The following RAD51B variants were observed in gnomAD, a reference collection of about 807,000 sequenced individuals.
The protein encoded by RAD51B is DNA repair protein RAD51 homolog 2.
A neutral mutation model predicts 42.2 loss-of-function variants in RAD51B; 38 were observed. The observed-to-expected ratio is 0.90, with a 90% confidence interval of 0.70 to 1.18. The LOEUF is 1.18. Ranked by LOEUF, RAD51B falls within the 50% of genes most tolerant of loss-of-function variation. The probability of loss-of-function intolerance (pLI) is 0.00; values close to 1 mark genes in which losing one functional copy is unlikely to be tolerated. For missense variants in RAD51B, 373 were observed against 400.7 expected (o/e 0.93, Z 0.59); for synonymous variants, 154 against 145.2 (o/e 1.06, Z -0.43).
chr14:67,985,666 T>C (rs890759742), intron 7 of RAD51B, among the ~76,000 whole-genome samples: 2 of 151,754 alleles, frequency 1.3e-5, no homozygotes, highest in African/African-American at 4.8e-5. Flanking sequence ...CCTAGCACTT[T>C]GGGAAACCAA....
At chr14:67,874,834 T>C (rs532957419) in intron 5 of RAD51B, among the ~76,000 whole-genome samples, 1 of 152,202 alleles carries the variant, frequency 6.6e-6, no homozygotes, top group Non-Finnish European at 1.5e-5. Flanking sequence ...CCAGTTTACA[T>C]GAACTGAATT....
intron 7 of RAD51B, among the ~76,000 whole-genome samples, chr14:68,233,501 T>G (rs1202711586): frequency 6.6e-6 from 1 of 152,252 alleles, no homozygotes; most frequent in Non-Finnish European, 1.5e-5. Context: ...GTCTTCTGCT[T>G]TATTCATTCA....
At chr14:67,871,426 GA>G (rs2042528012) in intron 5 of RAD51B, among the ~76,000 whole-genome samples, 1 of 152,206 alleles carries the variant, frequency 6.6e-6, no homozygotes, top group Non-Finnish European at 1.5e-5. Flanking sequence ...AACAGGGTCT[GA>G]AATTGTGGCA....
At chr14:68,662,512 G>A (rs1160248461) in intron 11 of RAD51B, among the ~76,000 whole-genome samples, 1 of 152,192 alleles carries the variant, frequency 6.6e-6, no homozygotes. Context: ...CCACCCAGCA[G>A]GCTGACATCC....
At chr14:68,077,871 G>T (rs1159759002) in intron 7 of RAD51B, among the ~76,000 whole-genome samples, 1 of 152,228 alleles carries the variant, frequency 6.6e-6, no homozygotes, top group Admixed American at 6.5e-5. Context: ...CAGGCGAATC[G>T]CTTGAACCCG....
rs186970923 is a variant in RAD51B at position 68,610,073 on chromosome 14, C to T, written c.1037-933C>T. ...GCTCCCCAGATCCCCACATTTCTAC[C>T]GGCCTACTCTGCTGGCCGTCTCTGC... is the stretch of plus-strand genomic sequence containing the variant. On this transcript the variant is annotated intron_variant, in intron 10 of 10. Coordinates refer to the RAD51B transcript ENST00000487861. Among the ~76,000 whole-genome samples the T allele has an allele frequency of 2.5e-3, 376 of 152,240 alleles. 1 individual carries two copies. The highest frequency in any genetic ancestry group is 7.8e-3 in the African/African-American group (325 of 41,520).
chr14:68,500,863 T>C (rs903661559), intron 10 of RAD51B, among the ~76,000 whole-genome samples: 3 of 152,170 alleles, frequency 2.0e-5, no homozygotes, highest in Admixed American at 2.0e-4. Context: ...CAACTCCCTC[T>C]CCTGCTGGAA....
chr14:68,664,826 G>A (rs1487797217), intron 11 of RAD51B, among the ~76,000 whole-genome samples: 1 of 152,158 alleles, frequency 6.6e-6, no homozygotes, highest in Non-Finnish European at 1.5e-5. Flanking sequence ...TGGGTCAGAA[G>A]CTTGGCAGTT....
intron 9 of RAD51B, among the ~76,000 whole-genome samples, chr14:68,446,880 T>C (rs939913876): frequency 3.9e-5 from 6 of 152,202 alleles, no homozygotes; most frequent in Non-Finnish European, 5.9e-5. Flanking sequence ...TTGTTTGGTC[T>C]CAATCACATC....
At chr14:68,519,629 A>G (rs1455654919) in intron 10 of RAD51B, among the ~76,000 whole-genome samples, 1 of 152,192 alleles carries the variant, frequency 6.6e-6, no homozygotes, top group Non-Finnish European at 1.5e-5. Flanking sequence ...CCATTTTCCA[A>G]CTTGAGACTT....
intron 7 of RAD51B, among the ~76,000 whole-genome samples, chr14:67,922,668 A>C (rs1051980221): frequency 6.8e-6 from 1 of 147,692 alleles, no homozygotes; most frequent in Non-Finnish European, 1.5e-5. Flanking sequence ...AGCAGTGTAC[A>C]CTGTACCCAA....
chr14:68,310,267 C>T (rs910463744), intron 8 of RAD51B, among the ~76,000 whole-genome samples: 1 of 152,098 alleles, frequency 6.6e-6, no homozygotes, highest in African/African-American at 2.4e-5. Context: ...AGATCAGATA[C>T]CCTGCTCACT....
At chr14:68,420,851 A>G (rs4902580) in intron 9 of RAD51B, among the ~76,000 whole-genome samples, 118,115 of 152,194 alleles carry the variant, frequency 0.78, 46,358 homozygotes, top group East Asian at 0.97. Flanking sequence ...TTTTCAAGAC[A>G]GAGTCACTCT....
intron 11 of RAD51B, among the ~76,000 whole-genome samples, chr14:68,651,689 T>C (rs931825301): frequency 2.0e-5 from 3 of 152,194 alleles, no homozygotes; most frequent in African/African-American, 7.2e-5. Flanking sequence ...GGTTTGACTG[T>C]ATTTGGTTGT....
intron 10 of RAD51B, among the ~76,000 whole-genome samples, chr14:68,638,426 G>C (rs1378054350): frequency 6.6e-6 from 1 of 152,070 alleles, no homozygotes; most frequent in African/African-American, 2.4e-5. Flanking sequence ...CTTTTTAAGA[G>C]AGGGAAAAAA....
At chr14:67,850,473 T>G (rs1437874692) in intron 4 of RAD51B, among the ~76,000 whole-genome samples, 2 of 152,054 alleles carry the variant, frequency 1.3e-5, no homozygotes, top group East Asian at 1.9e-4. Flanking sequence ...GGCAGCAGGT[T>G]GTATATTGGG....
chr14:68,263,439 T>A (rs2080926645), intron 7 of RAD51B, among the ~76,000 whole-genome samples: 1 of 152,164 alleles, frequency 6.6e-6, no homozygotes, highest in Non-Finnish European at 1.5e-5. Context: ...ACAGTCCCAA[T>A]GATGTTAGCA....
At chr14:68,169,195 T>C (rs532461523) in intron 7 of RAD51B, among the ~76,000 whole-genome samples, 3 of 152,310 alleles carry the variant, frequency 2.0e-5, no homozygotes, top group African/African-American at 7.2e-5. Flanking sequence ...TTCTAACAGA[T>C]GGATGATTCA....
rs1326088693 is a variant in RAD51B, at chr14:67,893,502, ACAC to A, written c.756+6299_756+6301del. On this transcript the variant is annotated intron_variant, in intron 7 of 10. Coordinates refer to ENST00000471583, the MANE Select transcript of RAD51B (RefSeq NM_133510.4). ...CACACACACACACACACACACACACACACACACAAAAAAAAACAATTAGCTGGG... is the reference window on the plus strand; with the variant it reads ...CACACACACACACACACACACACACAACACAAAAAAAAACAATTAGCTGGG... 1.8e-3 allele frequency among the ~76,000 whole-genome samples: 183 copies of A among 103,338 alleles called. 4 individuals are homozygous for A. The highest frequency in any genetic ancestry group is 6.1e-3 in the African/African-American group (110 of 17,990). The allele number at this position is 103,338 out of a possible 152,430, so 67.8% of individuals were successfully genotyped here. A position where few individuals can be genotyped will look rare whatever the true frequency, so the allele number is the denominator to read the frequency against.
Sources: gnomAD v4.1 joint callset for allele counts (sites outside exome capture counted in the v4.1 genomes callset) on GRCh38, gnomAD v4.1.1 for gene constraint, MANE v1.5 for transcripts, NCBI Gene and HGNC (gene_info 2026-07-23, HGNC 2026-07-21) for gene names.